Variants in XPNPEP3 observed in about 807,000 individuals in gnomAD.
The protein encoded by XPNPEP3 is X-prolyl aminopeptidase 3.
In XPNPEP3, 41 loss-of-function variants were observed where a neutral mutation model predicts 60.0. The observed-to-expected ratio is 0.68, with a 90% CI of 0.53 to 0.89. The LOEUF is 0.89. Among genes scored for constraint, XPNPEP3 ranks in the 40% least tolerant of loss-of-function variants. The pLI, the probability that XPNPEP3 is intolerant of heterozygous loss-of-function variation, is 0.00. For synonymous variants in XPNPEP3, 212 were observed against 223.2 expected, an observed-to-expected ratio of 0.95 and a Z score of 0.45; for missense variants, 598 against 638.9, an observed-to-expected ratio of 0.94 and a Z score of 0.69.
chr22:40,925,198 TATCC>T (rs1477977434), intron 9 of XPNPEP3, among the ~76,000 whole-genome samples: 5 of 152,182 alleles, frequency 3.3e-5, no homozygotes, highest in Admixed American at 2.6e-4. Flanking sequence ...CACTCCTTAG[TATCC>T]ATCGCCTTCC....
At chr22:40,922,820 T>G (rs2058221861) in intron 8 of XPNPEP3, among the ~76,000 whole-genome samples, 1 of 152,142 alleles carries the variant, frequency 6.6e-6, no homozygotes, top group African/African-American at 2.4e-5. Context: ...AGAAAAGATT[T>G]AGAAATCATC....
At chr22:40,895,304 C>CT (rs1039959611) in intron 4 of XPNPEP3, among the ~76,000 whole-genome samples, 12 of 151,578 alleles carry the variant, frequency 7.9e-5, no homozygotes, top group African/African-American at 2.2e-4. Flanking sequence ...AAATGCATTT[C>CT]TTTTTTTCTT....
rs1215725415 is a variant in XPNPEP3 at position 40,871,594 on chromosome 22, C to A, written c.181+2479C>A. On this transcript the variant is annotated intron_variant, in intron 2 of 9. Transcript: ENST00000357137. ...ATTTTTTTTTTAATTACTAATAATC[C>A]CACAACTCAGAGAAAGCCACTGTTG... Among the ~76,000 whole-genome samples the A allele has an allele frequency of 2.6e-5, 4 of 151,836 alleles. No homozygotes were observed. In the East Asian group the frequency reaches 5.8e-4, roughly 22 times the overall value.
chr22:40,874,617 G>A (rs556948451), intron 2 of XPNPEP3, among the ~76,000 whole-genome samples: 23 of 152,034 alleles, frequency 1.5e-4, no homozygotes, highest in Non-Finnish European at 2.6e-4. Flanking sequence ...ATAGAGATAA[G>A]GTCTCACTAT....
chr22:40,882,308 TGTAAA>T, intron 3 of XPNPEP3, 131 bp downstream of exon 3: 1 of 1,030,586 alleles, frequency 9.7e-7, no homozygotes, highest in Non-Finnish European at 1.4e-6. Flanking sequence ...ATGAAAGAAA[TGTAAA>T]GTCTTTTTCA....
At chr22:40,898,408 C>T (rs1224712841) in intron 4 of XPNPEP3, among the ~76,000 whole-genome samples, 3 of 138,900 alleles carry the variant, frequency 2.2e-5, no homozygotes, top group African/African-American at 3.1e-5. Context: ...CGCCCGCCAC[C>T]GCGCCCGGCT....
intron 4 of XPNPEP3, among the ~76,000 whole-genome samples, chr22:40,896,602 C>T (rs2058109139): frequency 6.6e-6 from 1 of 151,674 alleles, no homozygotes; most frequent in African/African-American, 2.4e-5. Flanking sequence ...CTATTGCACT[C>T]CAGACTAGGC....
chr22:40,861,885 T>C (rs764851047), intron 1 of XPNPEP3: 28 of 1,613,982 alleles, frequency 1.7e-5, no homozygotes, highest in Non-Finnish European at 8.5e-7. Flanking sequence ...TTCTTTATTT[T>C]CTGGATTTTT....
chr22:40,894,279 A>G (rs1217030452), intron 4 of XPNPEP3, among the ~76,000 whole-genome samples: 1 of 152,176 alleles, frequency 6.6e-6, no homozygotes, highest in African/African-American at 2.4e-5. Context: ...TCTTGCTTTA[A>G]GCATCTCTTG....
intron 2 of XPNPEP3, among the ~76,000 whole-genome samples, chr22:40,880,197 A>G (rs1328651169): frequency 6.6e-6 from 1 of 152,058 alleles, no homozygotes; most frequent in African/African-American, 2.4e-5. Context: ...AAGTACAAAG[A>G]TATTTATTAT....
intron 1 of XPNPEP3, among the ~76,000 whole-genome samples, chr22:40,868,165 CTATGAT>C (rs1356097657): frequency 1.3e-5 from 2 of 152,152 alleles, no homozygotes; most frequent in African/African-American, 4.8e-5. Context: ...TTGTTGTACT[CTATGAT>C]TAAGCATTTT....
At chr22:40,876,012 T>A (rs573512837) in intron 2 of XPNPEP3, among the ~76,000 whole-genome samples, 47 of 152,254 alleles carry the variant, frequency 3.1e-4, no homozygotes, top group African/African-American at 1.1e-3. Flanking sequence ...AGAGCAAGAC[T>A]CTGTCTCAAA....
intron 7 of XPNPEP3, among the ~76,000 whole-genome samples, chr22:40,918,576 C>T (rs1238547268): frequency 1.3e-5 from 2 of 151,796 alleles, no homozygotes; most frequent in African/African-American, 4.8e-5. Context: ...CCCAGCTACT[C>T]AGGTGGCTGA....
rs562839653 is a variant in XPNPEP3, at chr22:40,886,463, A to G, written c.740A>G (p.Lys247Arg). 4.3e-6 allele frequency: 7 copies of G among 1,614,170 alleles called. No individual in the cohort carries two copies. Among genetic ancestry groups the G allele is most frequent in the Admixed American group, 1.7e-5 (1 of 60,002 alleles). Residue 247 changes from lysine to arginine, a missense_variant, in exon 4 of 10, where the codon AAG becomes AGG. By Grantham distance (26) the Lys-to-Arg change is conservative (BLOSUM62 2). Transcript: ENST00000357137. ...CTGATACAGCGCCTCCGGCTGATCA[A>G]GTCTCCTGCAGAAATTGAACGAATG... is the stretch of plus-strand genomic sequence containing the variant. ...QQLIQRLRLI[K>R]SPAEIERMQI...
At chr22:40,924,549 A>C in intron 9 of XPNPEP3, 67 bp downstream of exon 9, 1 of 1,596,372 alleles carries the variant, frequency 6.3e-7, no homozygotes, top group Non-Finnish European at 8.5e-7. Flanking sequence ...TTTGAGATGG[A>C]GTTTTGCTCT....
intron 4 of XPNPEP3, among the ~76,000 whole-genome samples, chr22:40,887,466 G>A (rs1373876321): frequency 6.6e-6 from 1 of 152,126 alleles, no homozygotes; most frequent in East Asian, 1.9e-4. Context: ...CGAGATCAAG[G>A]TGCCATCATG....
intron 2 of XPNPEP3, among the ~76,000 whole-genome samples, chr22:40,871,993 A>G (rs1260698310): frequency 6.6e-6 from 1 of 152,176 alleles, no homozygotes; most frequent in Non-Finnish European, 1.5e-5. Context: ...AGATCACGCC[A>G]TTGCACTCCA....
chr22:40,893,705 C>T (rs961477880), intron 4 of XPNPEP3, among the ~76,000 whole-genome samples: 2 of 151,890 alleles, frequency 1.3e-5, no homozygotes, highest in African/African-American at 4.8e-5. Flanking sequence ...CAACCTCCAC[C>T]TCCCAGGTTC....
At chr22:40,865,306 A>G (rs1351023142) in intron 1 of XPNPEP3, among the ~76,000 whole-genome samples, 1 of 146,622 alleles carries the variant, frequency 6.8e-6, no homozygotes, top group African/African-American at 2.5e-5. Context: ...AGCACTTGCC[A>G]CACTGTGAGC....
Sources: gnomAD v4.1 joint callset for allele counts (sites outside exome capture counted in the v4.1 genomes callset) on GRCh38, gnomAD v4.1.1 for gene constraint, MANE v1.5 for transcripts, NCBI Gene and HGNC (gene_info 2026-07-23, HGNC 2026-07-21) for gene names.